Variants in CENPF observed in about 807,000 individuals in gnomAD.
The protein encoded by CENPF is AH antigen.
Under a neutral mutation model 307.3 loss-of-function variants are expected in CENPF, and 214 were observed. The ratio of observed to expected loss-of-function variants is 0.70; its 90% CI spans 0.62 to 0.78. CENPF has a LOEUF of 0.78. CENPF is among the 30% of genes least tolerant of loss of function. The pLI is 0.00. For synonymous variants in CENPF, 1,259 were observed against 1,270.6 expected, an observed-to-expected ratio of 0.99 and a Z score of 0.19; for missense variants, 3,401 against 3,483.9, an observed-to-expected ratio of 0.98 and a Z score of 0.60.
chr1:214,632,615 GA>G lies in CENPF; in HGVS notation c.1446+14del, dbSNP rs758827846. 6.2e-7 allele frequency: 1 copy of G among 1,611,312 alleles called. No individual in the cohort carries two copies. Among genetic ancestry groups the G allele is most frequent in the Non-Finnish European group, 8.5e-7 (1 of 1,179,154 alleles). On this transcript the variant is annotated intron_variant, in intron 10 of 19. Coordinates refer to ENST00000366955, the MANE Select transcript of CENPF (RefSeq NM_016343.4). ...GAGAAGCATGGAGGTAAGGGAGGAG[GA>G]TGCCGAATTTTCTCCACTTATGTAA...
chr1:214,657,184 A>G lies in CENPF; in HGVS notation c.8737A>G (p.Ile2913Val), dbSNP rs758734737. The change falls in exon 18 of 20, where the codon ATC (isoleucine) becomes GTC (valine). Residue 2913 changes from isoleucine (I) to valine (V), a missense_variant. Coordinates refer to ENST00000366955, the MANE Select transcript of CENPF (RefSeq NM_016343.4). Reference protein sequence around the residue: ...LGPVVPGPSPIPSVTEKRLSS... With the variant: ...LGPVVPGPSPVPSVTEKRLSS... The stretch of plus-strand genomic sequence containing the variant: ...TCCAGTTGTTCCAGGACCATCTCCA[A>G]TCCCTTCTGTTACTGAAAAGAGGTT... 1.7e-5 allele frequency: 27 copies of G among 1,614,194 alleles called. No homozygotes were observed. Among genetic ancestry groups the G allele is most frequent in the East Asian group, 6.7e-5 (3 of 44,884 alleles).
In CENPF at chr1:214,647,453, C is replaced by T. The variant is rs1019570396; in HGVS notation, c.7830+53C>T. 45 of 1,511,766 alleles carry T rather than the reference C, an allele frequency of 3.0e-5. No individual in the cohort carries two copies. The Admixed American group carries it at 3.5e-4, about 12-fold the overall frequency. The allele number at this position is 1,511,766 out of a possible 1,614,324, so 93.6% of individuals were successfully genotyped here. A position where few individuals can be genotyped will look rare whatever the true frequency, so the allele number is the denominator to read the frequency against. On this transcript the variant is annotated intron_variant, in intron 13 of 19. Transcript: ENST00000366955. The stretch of plus-strand genomic sequence containing the variant: ...AATATGTAGTCATGAGGCAGGAAAC[C>T]ATATTTTCTTCTAGACACTGTGAAT...
chr1:214,640,632 A>T lies in CENPF; in HGVS notation c.2294A>T (p.Asp765Val), dbSNP rs1405736013. Residue 765 changes from aspartate (D) to valine (V), a missense_variant, in exon 12 of 20, where the codon GAT becomes GTT. Transcript: ENST00000366955. ...CATGCCGAATATGAGAGCCTCAGGGATCTGCTAAAATCCAAAGATGCTTCT... is the reference window on the plus strand; with the variant it reads ...CATGCCGAATATGAGAGCCTCAGGGTTCTGCTAAAATCCAAAGATGCTTCT... Reference protein sequence around the residue: ...DLHAEYESLRDLLKSKDASLV... With the variant: ...DLHAEYESLRVLLKSKDASLV... The T allele has an allele frequency of 6.2e-7, 1 of 1,614,194 alleles. No homozygotes were observed. The highest frequency in any genetic ancestry group is 1.1e-5 in the South Asian group (1 of 91,086).
At position 214,646,267 on chromosome 1, in the gene CENPF, C is replaced by A; in HGVS notation, c.6697C>A (p.Leu2233Ile). Residue 2233 changes from leucine to isoleucine, a missense_variant, in exon 13 of 20, where the codon CTC becomes ATC. Transcript: ENST00000366955. ...QGQLSELDKL[L>I]SSFKSLLEEK... ...TCAGTTGTCAGAACTAGACAAGTTA[C>A]TCTCTTCATTTAAAAGTCTGTTAGA... 1 of 1,614,090 alleles carries A rather than the reference C, an allele frequency of 6.2e-7. No individual in the cohort carries two copies.
At position 214,646,463 on chromosome 1, in the gene CENPF, A is replaced by G; in HGVS notation, c.6893A>G (p.Gln2298Arg). The G allele has an allele frequency of 6.2e-7, 1 of 1,614,174 alleles. No homozygotes were observed. Among genetic ancestry groups the G allele is most frequent in the Admixed American group, 1.7e-5 (1 of 60,030 alleles). The change falls in exon 13 of 20, where the codon CAG becomes CGG. Residue 2298 changes from glutamine to arginine, a missense_variant. Transcript: ENST00000366955. ...SLDPPIEEEH[Q>R]LRNSIEKLRA... ...GACCCACCAATAGAGGAAGAGCATC[A>G]GCTGAGAAATAGCATTGAAAAGCTG...
chr1:214,623,839 A>G (rs1461892981), intron 7 of CENPF, among the ~76,000 whole-genome samples: 1 of 152,232 alleles, frequency 6.6e-6, no homozygotes, highest in Non-Finnish European at 1.5e-5. Context: ...ATAAAGTAAC[A>G]TAGATAGTAT....
Position 214,630,597 on chromosome 1 carries a change from A to G in CENPF, c.1258A>G (p.Arg420Gly), listed in dbSNP as rs745421052. 2.5e-5 allele frequency: 41 copies of G among 1,614,076 alleles called. No individual in the cohort carries two copies. The highest frequency in any genetic ancestry group is 3.4e-5 in the Non-Finnish European group (40 of 1,180,014). ...CCAGGAGTGCATCCAGATGAAGGCC[A>G]GACTCACCCAGGAGTTACAGCAAGC... ...LDQECIQMKARLTQELQQAKN... is the reference protein window; with the variant it reads ...LDQECIQMKAGLTQELQQAKN... Residue 420 changes from arginine (R) to glycine (G), a missense_variant, in exon 9 of 20, where the codon AGA becomes GGA. Coordinates refer to ENST00000366955, the MANE Select transcript of CENPF (RefSeq NM_016343.4).
chr1:214,605,420 T>C (rs1656994381), intron 1 of CENPF: 2 of 468,952 alleles, frequency 4.3e-6, no homozygotes, highest in East Asian at 7.8e-5. Flanking sequence ...CGTAAGTGCC[T>C]GAGCTAGAAG....
At chr1:214,622,309 G>T in intron 7 of CENPF, 28 bp downstream of exon 7, 3 of 1,515,392 alleles carry the variant, frequency 2.0e-6, no homozygotes, top group South Asian at 1.2e-5. Flanking sequence ...AATTACTGGA[G>T]AAATCTTCAT....
chr1:214,619,160 T>C lies in CENPF; in HGVS notation c.513T>C (p.Tyr171=). ...AGTATGAAGATCTAAAAGAAAAATA[T>C]AATAAAGAGGTTGAAGAACGAAAAA... is the stretch of plus-strand genomic sequence containing the variant. ...GSKYEDLKEK[Y]NKEVEERKRL... The change falls in exon 5 of 20, where the codon TAT becomes TAC. Residue 171 remains tyrosine (Y), a synonymous_variant. Transcript: ENST00000366955. 24 of 1,577,098 alleles carry C rather than the reference T, an allele frequency of 1.5e-5. No homozygotes were observed. The highest frequency in any genetic ancestry group is 1.9e-5 in the Non-Finnish European group (22 of 1,151,632).
At chr1:214,649,020 G>C (rs544359696) in intron 14 of CENPF, among the ~76,000 whole-genome samples, 193 bp downstream of exon 14, 3 of 152,294 alleles carry the variant, frequency 2.0e-5, no homozygotes, top group Admixed American at 6.5e-5. Context: ...CCCACAAGGA[G>C]TCGTGAGAAG....
chr1:214,625,513 A>C (rs1387788326), intron 7 of CENPF, among the ~76,000 whole-genome samples: 1 of 152,086 alleles, frequency 6.6e-6, no homozygotes, highest in Non-Finnish European at 1.5e-5. Flanking sequence ...GAGCCACTGC[A>C]CCTGTCCTCC....
rs551314806 is a variant in CENPF at position 214,616,964 on chromosome 1, C to T, written c.360-1609C>T. Among the ~76,000 whole-genome samples, 664 of 126,752 alleles carry T rather than the reference C, an allele frequency of 5.2e-3. 3 individuals carry two copies. Among genetic ancestry groups the T allele is most frequent in the Admixed American group, 6.5e-3 (78 of 11,956 alleles). 83.2% of individuals were successfully genotyped at this position (126,752 alleles called of 152,430 possible). A position where few individuals can be genotyped will look rare whatever the true frequency, so the allele number is the denominator to read the frequency against. Reference sequence around the variant, plus strand: ...CCCTCCCTCCCTTCCTTCCTTCCCTCCTTCCCTCCCTCCCTCCCTCCCTCT... The same window carrying T: ...CCCTCCCTCCCTTCCTTCCTTCCCTTCTTCCCTCCCTCCCTCCCTCCCTCT... On this transcript the variant is annotated intron_variant, in intron 3 of 19. Transcript: ENST00000366955.
rs1400491677 is a variant in CENPF at position 214,614,956 on chromosome 1, A to G, written c.287A>G (p.Gln96Arg). 1.2e-6 allele frequency: 2 copies of G among 1,611,562 alleles called. No homozygotes were observed. The highest frequency in any genetic ancestry group is 3.4e-5 in the Admixed American group (2 of 59,604). The stretch of plus-strand genomic sequence containing the variant: ...CATGAACTTCAAGTCAAGGAGTCAC[A>G]AGTGAATTTCCAGGAAGGACAACTG... ...ISHELQVKES[Q>R]VNFQEGQLNS... is the part of the protein sequence containing the mutation. The change falls in exon 3 of 20, where the codon CAA (glutamine) becomes CGA (arginine). Residue 96 changes from glutamine to arginine, a missense_variant. Gln to Arg is a conservative substitution (Grantham distance 43, BLOSUM62 1). Transcript: ENST00000366955.
chr1:214,621,882 C>T (rs1358106834), intron 6 of CENPF, among the ~76,000 whole-genome samples, 197 bp from the exon 7 acceptor site: 1 of 152,200 alleles, frequency 6.6e-6, no homozygotes, highest in African/African-American at 2.4e-5. Context: ...GTTTCTCCTG[C>T]TTTCTATAGA....
rs181293702 is a variant in CENPF, at chr1:214,645,961, G to A, written c.6391G>A (p.Asp2131Asn). 3.2e-5 allele frequency: 52 copies of A among 1,614,138 alleles called. No individual in the cohort carries two copies. The Admixed American group carries it at 5.3e-4, about 17-fold the overall frequency. ...IEKLRVRIEA[D>N]EKKQLHIAEK... ...GAAACTGAGAGTTCGCATTGAGGCC[G>A]ATGAAAAGAAGCAGCTGCACATCGC... is the stretch of plus-strand genomic sequence containing the variant. The change falls in exon 13 of 20, where the codon GAT (aspartate) becomes AAT (asparagine). Residue 2131 changes from aspartate (D) to asparagine (N), a missense_variant. Physicochemically the swap from Asp to Asn is conservative, Grantham distance 23. Coordinates refer to ENST00000366955, the MANE Select transcript of CENPF (RefSeq NM_016343.4).
chr1:214,662,281 T>C (rs1484656638), intron 19 of CENPF, among the ~76,000 whole-genome samples: 1 of 152,036 alleles, frequency 6.6e-6, no homozygotes, highest in Non-Finnish European at 1.5e-5. Flanking sequence ...CAGCAAAACT[T>C]TGTTTTATTT....
chr1:214,641,546 G>T lies in CENPF; in HGVS notation c.3208G>T (p.Glu1070Ter). The T allele has an allele frequency of 6.6e-7, 1 of 1,518,122 alleles. No homozygotes were observed. Among genetic ancestry groups the T allele is most frequent in the South Asian group, 1.4e-5 (1 of 73,726 alleles). The allele number at this position is 1,518,122 out of a possible 1,614,324, so 94.0% of individuals were successfully genotyped here. A position where few individuals can be genotyped will look rare whatever the true frequency, so the allele number is the denominator to read the frequency against. Residue 1070 changes from glutamate (E) to a stop codon, truncating the protein, a stop_gained, in exon 12 of 20, where the codon GAG becomes TAG. Coordinates refer to ENST00000366955, the MANE Select transcript of CENPF (RefSeq NM_016343.4). LOFTEE classifies it high-confidence loss of function. ...TAGTCTTTGTGAAAATAGGAAAAAT[G>T]AGTTGGAACAGCTAAAGGAAGCATT... is the stretch of plus-strand genomic sequence containing the variant. ...CTSLCENRKNELEQLKEAFAK... is the reference protein window; with the variant it reads ...CTSLCENRKN
intron 11 of CENPF, among the ~76,000 whole-genome samples, chr1:214,639,312 A>T (rs1658044464): frequency 6.6e-6 from 1 of 152,198 alleles, no homozygotes; most frequent in Non-Finnish European, 1.5e-5. Context: ...ACATTCATAG[A>T]CACTGCCACC....
Sources: allele counts gnomAD v4.1 joint callset (sites outside exome capture counted in the v4.1 genomes callset), GRCh38; gene constraint gnomAD v4.1.1; transcripts MANE v1.5; gene names NCBI Gene and HGNC (gene_info 2026-07-23, HGNC 2026-07-21).